The following TBL1XR1 variants were observed in gnomAD, a reference collection of about 807,000 sequenced individuals.
The protein encoded by TBL1XR1 is TBL1X/Y related 1.
A neutral mutation model predicts 66.9 loss-of-function variants in TBL1XR1; 5 were observed. The observed-to-expected ratio is 0.07, with a 90% confidence interval of 0.04 to 0.16. The LOEUF is 0.16. TBL1XR1 is among the 10% of genes least tolerant of loss of function. TBL1XR1 has a pLI of 1.00. For synonymous variants in TBL1XR1, 210 were observed against 206.0 expected, an observed-to-expected ratio of 1.02 and a Z score of -0.17; for missense variants, 238 against 623.2, an observed-to-expected ratio of 0.38 and a Z score of 6.58.
intron 1 of TBL1XR1, among the ~76,000 whole-genome samples, chr3:177,180,308 CTACTT>C (rs1734662972): frequency 6.7e-6 from 1 of 150,222 alleles, no homozygotes; most frequent in Admixed American, 6.6e-5. Context: ...ATTAAAGTAC[CTACTT>C]TAATCTACAG....
intron 3 of TBL1XR1, among the ~76,000 whole-genome samples, chr3:177,059,464 A>G (rs1179070431): frequency 6.6e-6 from 1 of 152,238 alleles, no homozygotes; most frequent in Non-Finnish European, 1.5e-5. Flanking sequence ...TTTCTAAATT[A>G]AAAAATAATA....
intron 2 of TBL1XR1, among the ~76,000 whole-genome samples, chr3:177,096,335 T>TACACACACACACAC (rs6148210): frequency 0.04 from 6,048 of 150,260 alleles, 241 homozygotes; most frequent in African/African-American, 0.099. Flanking sequence ...CATACATACA[T>TACACACACACACAC]ACACACACAC....
At chr3:177,176,917 C>T (rs1734225987) in intron 1 of TBL1XR1, among the ~76,000 whole-genome samples, 1 of 152,184 alleles carries the variant, frequency 6.6e-6, no homozygotes, top group Non-Finnish European at 1.5e-5. Flanking sequence ...GAGGTCAAGG[C>T]TGCAGGAGGC....
At chr3:177,092,037 T>C (rs1302900185) in intron 2 of TBL1XR1, among the ~76,000 whole-genome samples, 1 of 152,200 alleles carries the variant, frequency 6.6e-6, no homozygotes, top group Admixed American at 6.5e-5. Flanking sequence ...ACAGTAAGTG[T>C]CCTTTATCTA....
intron 2 of TBL1XR1, among the ~76,000 whole-genome samples, chr3:177,071,431 G>A (rs1380158001): frequency 6.6e-6 from 1 of 152,078 alleles, no homozygotes; most frequent in Non-Finnish European, 1.5e-5. Context: ...GGTTCCTCAT[G>A]AGGGAAAAAA....
At chr3:177,062,729 A>T (rs1718674043) in intron 3 of TBL1XR1, among the ~76,000 whole-genome samples, 1 of 152,226 alleles carries the variant, frequency 6.6e-6, no homozygotes, top group African/African-American at 2.4e-5. Context: ...GGAGAACTTG[A>T]TATATCAGTC....
intron 1 of TBL1XR1, among the ~76,000 whole-genome samples, chr3:177,150,837 G>A (rs938288503): frequency 1.3e-5 from 2 of 152,166 alleles, no homozygotes; most frequent in African/African-American, 4.8e-5. Flanking sequence ...TATTAATAAG[G>A]AGAAACAGTC....
chr3:177,148,643 AG>A (rs1228073912), intron 1 of TBL1XR1, among the ~76,000 whole-genome samples: 3 of 150,386 alleles, frequency 2.0e-5, no homozygotes, highest in Admixed American at 1.3e-4. Flanking sequence ...TGAACCCAGG[AG>A]GGGGAGATTG....
intron 1 of TBL1XR1, among the ~76,000 whole-genome samples, chr3:177,115,590 T>G (rs1196451532): frequency 6.6e-6 from 1 of 152,036 alleles, no homozygotes; most frequent in Non-Finnish European, 1.5e-5. Context: ...CTGACCCCCC[T>G]TCAATCACAC....
chr3:177,068,602 A>G (rs890323656), intron 2 of TBL1XR1, among the ~76,000 whole-genome samples: 2 of 152,322 alleles, frequency 1.3e-5, no homozygotes, highest in East Asian at 1.9e-4. Context: ...TCAGTTCAGC[A>G]TATACTCGCT....
intron 1 of TBL1XR1, among the ~76,000 whole-genome samples, chr3:177,143,943 G>A (rs1199029595): frequency 6.6e-6 from 1 of 152,178 alleles, no homozygotes; most frequent in Non-Finnish European, 1.5e-5. Flanking sequence ...TTCTAACAGT[G>A]TTGGAGTTAA....
chr3:177,109,209 CT>C lies in TBL1XR1; in HGVS notation c.-121-10669del, dbSNP rs1020956716. 3.9e-5 allele frequency among the ~76,000 whole-genome samples: 6 copies of C among 151,944 alleles called. No individual in the cohort carries two copies. In the South Asian group the frequency reaches 8.3e-4, roughly 21 times the overall value. ...ACATTTAAAATTGTCAATTTCATAC[CT>C]TTTCCCAATTTTTTAATTGAACATA... On this transcript the variant is annotated intron_variant, in intron 1 of 15. Transcript: ENST00000457928.
rs377008567 is a variant in TBL1XR1 at position 177,053,753 on chromosome 3, T to C, written c.204+20A>G. 2 of 1,604,830 alleles carry C rather than the reference T, an allele frequency of 1.2e-6. No homozygotes were observed. On this transcript the variant is annotated intron_variant, in intron 4 of 15. Coordinates refer to ENST00000457928, the MANE Select transcript of TBL1XR1 (RefSeq NM_024665.7). ...TATTTAAGATGAAAAAAATCAGTAT[T>C]TGAAATAAGTCTTCCTTACCTCATT...
chr3:177,152,185 C>T (rs2108856386), intron 1 of TBL1XR1, among the ~76,000 whole-genome samples: 1 of 152,252 alleles, frequency 6.6e-6, no homozygotes, highest in South Asian at 2.1e-4. Context: ...AAGATGCTCC[C>T]AGCTGTCACC....
intron 1 of TBL1XR1, among the ~76,000 whole-genome samples, chr3:177,177,417 T>A (rs752681514): frequency 3.3e-5 from 5 of 152,022 alleles, no homozygotes; most frequent in Non-Finnish European, 5.9e-5. Context: ...GCCACTGCAC[T>A]CCAGCCTAGG....
At chr3:177,090,631 G>C (rs1722710745) in intron 2 of TBL1XR1, among the ~76,000 whole-genome samples, 1 of 151,840 alleles carries the variant, frequency 6.6e-6, no homozygotes, top group African/African-American at 2.4e-5. Context: ...GACCATCCTG[G>C]ACAACATGGT....
chr3:177,067,719 A>G (rs1010440661), intron 2 of TBL1XR1, among the ~76,000 whole-genome samples: 4 of 152,178 alleles, frequency 2.6e-5, no homozygotes, highest in Non-Finnish European at 4.4e-5. Context: ...TTTAAAGGAA[A>G]AAGACCTTGA....
At chr3:177,056,859 C>A (rs753236433) in intron 3 of TBL1XR1, among the ~76,000 whole-genome samples, 1 of 152,162 alleles carries the variant, frequency 6.6e-6, no homozygotes, top group Non-Finnish European at 1.5e-5. Flanking sequence ...CCTTTTCTGC[C>A]AGATCTGCGT....
chr3:177,042,002 C>G (rs892600493), intron 10 of TBL1XR1, among the ~76,000 whole-genome samples: 16 of 152,108 alleles, frequency 1.1e-4, no homozygotes, highest in African/African-American at 3.9e-4. Context: ...ACCTCCTATT[C>G]CTTAGTTTTT....
Sources: gnomAD v4.1 joint callset for allele counts (sites outside exome capture counted in the v4.1 genomes callset) on GRCh38, gnomAD v4.1.1 for gene constraint, MANE v1.5 for transcripts, NCBI Gene and HGNC (gene_info 2026-07-23, HGNC 2026-07-21) for gene names.